Variants in SLC16A10 observed in about 807,000 individuals in gnomAD.
SLC16A10 encodes the protein monocarboxylate transporter 10.
In SLC16A10, 27 loss-of-function variants were observed where a neutral mutation model predicts 40.0. That is an observed-to-expected ratio of 0.67 (90% CI 0.50 to 0.93). The LOEUF (loss-of-function observed/expected upper bound fraction) is 0.93, where lower values mean the gene tolerates loss of function less well. SLC16A10 is among the 40% of genes least tolerant of loss of function. The pLI, the probability that SLC16A10 is intolerant of heterozygous loss-of-function variation, is 0.00. For missense variants in SLC16A10, 529 were observed against 658.2 expected (o/e 0.80, Z 2.15); for synonymous variants, 213 against 249.8 (o/e 0.85, Z 1.39).
intron 1 of SLC16A10, among the ~76,000 whole-genome samples, chr6:111,132,128 G>A (rs907996373): frequency 2.6e-5 from 4 of 152,110 alleles, no homozygotes; most frequent in African/African-American, 9.7e-5. Context: ...GGGCAGTTAT[G>A]TAGGACCTGT....
chr6:111,137,858 G>A (rs1032394001), intron 1 of SLC16A10, among the ~76,000 whole-genome samples: 2 of 152,180 alleles, frequency 1.3e-5, no homozygotes, highest in East Asian at 1.9e-4. Flanking sequence ...GCTCACACCC[G>A]ACCAATGAGG....
intron 1 of SLC16A10, among the ~76,000 whole-genome samples, chr6:111,090,308 G>A (rs1349516337): frequency 6.6e-6 from 1 of 152,186 alleles, no homozygotes; most frequent in Non-Finnish European, 1.5e-5. Context: ...TCTATTTATG[G>A]TTGTGCCATT....
chr6:111,103,801 C>T (rs944963908), intron 1 of SLC16A10, among the ~76,000 whole-genome samples: 14 of 152,022 alleles, frequency 9.2e-5, no homozygotes, highest in African/African-American at 2.9e-4. Flanking sequence ...AGAGGGTATC[C>T]GAGGTGAGAG....
At position 111,228,853 on chromosome 6, in the gene SLC16A10, A is replaced by G. The variant is rs1771055378; in HGVS notation, c.*6618A>G. 6.6e-6 allele frequency: 1 copy of G among 151,956 alleles called. No individual in the cohort carries two copies. 9.4% of individuals were successfully genotyped at this position (151,956 alleles called of 1,614,324 possible). A position where few individuals can be genotyped will look rare whatever the true frequency, so the allele number is the denominator to read the frequency against. On this transcript the variant is annotated 3_prime_UTR_variant, in exon 6 of 6. Transcript: ENST00000368851. ...GAGACCAGCCTGACCAACATGGAGA[A>G]ACCCCATCTCTACCAAAAATACAAA...
chr6:111,193,789 C>T (rs145171758), intron 3 of SLC16A10, among the ~76,000 whole-genome samples: 1 of 152,230 alleles, frequency 6.6e-6, no homozygotes, highest in Non-Finnish European at 1.5e-5. Context: ...GAAATAAATC[C>T]ACAAACATTT....
Position 111,228,285 on chromosome 6 carries a change from T to G in SLC16A10, c.*6050T>G, listed in dbSNP as rs988525568. On this transcript the variant is annotated 3_prime_UTR_variant, in exon 6 of 6. Coordinates refer to ENST00000368851, the MANE Select transcript of SLC16A10 (RefSeq NM_018593.5). The stretch of plus-strand genomic sequence containing the variant: ...CCTGACAACTTACACATTAAACTCC[T>G]GTAAGAGACACTCCTTCCTAGTAGA... The G allele has an allele frequency of 1.3e-5, 2 of 152,216 alleles. No individual in the cohort carries two copies. The highest frequency in any genetic ancestry group is 4.8e-5 in the African/African-American group (2 of 41,456). 9.4% of individuals were successfully genotyped at this position (152,216 alleles called of 1,614,324 possible).
Position 111,087,784 on chromosome 6 carries a change from C to G in SLC16A10, c.32C>G (p.Ala11Gly). 1 of 1,216,560 alleles carries G rather than the reference C, an allele frequency of 8.2e-7. No homozygotes were observed. Among genetic ancestry groups the G allele is most frequent in the Non-Finnish European group, 1.0e-6 (1 of 979,694 alleles). 75.4% of individuals were successfully genotyped at this position (1,216,560 alleles called of 1,614,324 possible). Reference protein sequence around the residue: MVLSQEEPDSARGTSEAQPLG... With the variant: MVLSQEEPDSGRGTSEAQPLG... ...CTCTCCCAGGAGGAGCCGGACTCCGCGCGGGGCACGAGCGAGGCGCAGCCG... is the reference window on the plus strand; with the variant it reads ...CTCTCCCAGGAGGAGCCGGACTCCGGGCGGGGCACGAGCGAGGCGCAGCCG... Residue 11 changes from alanine to glycine, a missense_variant, in exon 1 of 6, where the codon GCG becomes GGG. Transcript: ENST00000368851.
intron 1 of SLC16A10, among the ~76,000 whole-genome samples, chr6:111,107,673 A>G (rs2114451976): frequency 6.6e-6 from 1 of 152,348 alleles, no homozygotes; most frequent in African/African-American, 2.4e-5. Flanking sequence ...TGGCTTTACC[A>G]GTATGATGCT....
At chr6:111,153,072 G>A (rs1020260283) in intron 1 of SLC16A10, among the ~76,000 whole-genome samples, 3 of 152,220 alleles carry the variant, frequency 2.0e-5, no homozygotes, top group Non-Finnish European at 2.9e-5. Context: ...GAGAGAGGGT[G>A]CTGAGAGCCA....
intron 4 of SLC16A10, among the ~76,000 whole-genome samples, chr6:111,210,870 A>C (rs961572322): frequency 3.3e-5 from 5 of 152,036 alleles, no homozygotes; most frequent in African/African-American, 1.2e-4. Flanking sequence ...ATAATTACAA[A>C]AAATTAGCCA....
intron 1 of SLC16A10, among the ~76,000 whole-genome samples, chr6:111,141,369 A>C (rs1771979004): frequency 6.6e-6 from 1 of 152,234 alleles, no homozygotes; most frequent in Non-Finnish European, 1.5e-5. Flanking sequence ...TTTAAATTTA[A>C]AATGCAATAC....
chr6:111,133,434 A>T (rs181665324), intron 1 of SLC16A10, among the ~76,000 whole-genome samples: 1 of 152,284 alleles, frequency 6.6e-6, no homozygotes, highest in East Asian at 1.9e-4. Context: ...ATTGGGACCA[A>T]TTTGACTCTC....
chr6:111,107,949 C>G (rs1447052567), intron 1 of SLC16A10, among the ~76,000 whole-genome samples: 1 of 152,080 alleles, frequency 6.6e-6, no homozygotes, highest in East Asian at 1.9e-4. Flanking sequence ...GACAATGTTC[C>G]CGGTCATCCT....
intron 3 of SLC16A10, among the ~76,000 whole-genome samples, chr6:111,203,758 A>AATAAAATAC (rs1773212117): frequency 2.6e-5 from 4 of 151,844 alleles, no homozygotes; most frequent in Non-Finnish European, 5.9e-5. Context: ...AAATAAAATA[A>AATAAAATAC]TGCCCCTTCT....
At chr6:111,116,912 C>G (rs1000762451) in intron 1 of SLC16A10, among the ~76,000 whole-genome samples, 1 of 152,068 alleles carries the variant, frequency 6.6e-6, no homozygotes, top group Non-Finnish European at 1.5e-5. Context: ...AAGTAGTGCC[C>G]CCTTTGAAGA....
intron 1 of SLC16A10, among the ~76,000 whole-genome samples, chr6:111,149,049 C>T (rs139294185): frequency 6.6e-6 from 1 of 152,302 alleles, no homozygotes; most frequent in East Asian, 1.9e-4. Context: ...TCCTCTGTAG[C>T]TATTACCTTA....
At chr6:111,156,548 T>C (rs570752085) in intron 1 of SLC16A10, among the ~76,000 whole-genome samples, 5 of 152,308 alleles carry the variant, frequency 3.3e-5, no homozygotes, top group South Asian at 4.1e-4. Flanking sequence ...CAAATCCTAA[T>C]TGAGGGACAT....
intron 1 of SLC16A10, among the ~76,000 whole-genome samples, chr6:111,119,686 T>G (rs571396270): frequency 1.7e-4 from 26 of 152,290 alleles, no homozygotes; most frequent in African/African-American, 5.8e-4. Context: ...TGGCAATATT[T>G]GGAGATGGGA....
chr6:111,088,541 A>G (rs1172643540), intron 1 of SLC16A10, among the ~76,000 whole-genome samples: 3 of 151,930 alleles, frequency 2.0e-5, no homozygotes, highest in African/African-American at 4.8e-5. Flanking sequence ...GGGTGTGCGT[A>G]TGTTGGCGGG....
Sources: allele counts gnomAD v4.1 joint callset (sites outside exome capture counted in the v4.1 genomes callset), GRCh38; gene constraint gnomAD v4.1.1; transcripts MANE v1.5; gene names NCBI Gene and HGNC (gene_info 2026-07-23, HGNC 2026-07-21).